NUP37: variants seen among roughly 807,000 people sequenced by gnomAD.
NUP37 encodes nucleoporin Nup37.
NUP37 carries 33 observed loss-of-function variants against 45.4 expected under a neutral mutation model. The observed-to-expected ratio is 0.73, with a 90% CI of 0.55 to 0.97. NUP37 has a LOEUF of 0.97. NUP37 is among the 50% of genes least tolerant of loss of function. The pLI, the probability that NUP37 is intolerant of heterozygous loss-of-function variation, is 0.00. For missense variants in NUP37, 365 were observed against 389.7 expected (o/e 0.94, Z 0.53); for synonymous variants, 127 against 130.7 (o/e 0.97, Z 0.19).
chr12:102,091,971 T>C (rs1241409311), intron 5 of NUP37, among the ~76,000 whole-genome samples: 3 of 152,200 alleles, frequency 2.0e-5, no homozygotes, highest in African/African-American at 7.2e-5. Context: ...TTAAATGTTA[T>C]TGTCCCAATA....
At chr12:102,076,009 G>GAA (rs1444322080) in intron 8 of NUP37, among the ~76,000 whole-genome samples, 2 of 152,126 alleles carry the variant, frequency 1.3e-5, no homozygotes, top group Non-Finnish European at 2.9e-5. Context: ...GGGAAAGGAT[G>GAA]AAAAGGGTCT....
chr12:102,113,944 C>G (rs932147132), intron 2 of NUP37, among the ~76,000 whole-genome samples: 6 of 152,172 alleles, frequency 3.9e-5, no homozygotes, highest in Admixed American at 3.9e-4. Context: ...CTGCATAATT[C>G]AGATACCCTT....
chr12:102,097,830 G>T (rs1244447585), intron 5 of NUP37, among the ~76,000 whole-genome samples: 9 of 151,800 alleles, frequency 5.9e-5, no homozygotes, highest in African/African-American at 9.7e-5. Context: ...TAGTACCTGG[G>T]GCCCTAGAAT....
rs146080422 is a variant in NUP37, at chr12:102,076,754, G to A, written c.773+43C>T. The A allele has an allele frequency of 5.9e-4, 928 of 1,574,578 alleles. 11 individuals carry two copies. In the East Asian group the frequency reaches 0.019, roughly 33 times the overall value. On this transcript the variant is annotated intron_variant, in intron 8 of 9. Coordinates refer to ENST00000552283, the MANE Select transcript of NUP37 (RefSeq NM_024057.4). ...AGTATCCCAGTGGTGGCACAGCAAC[G>A]TCAAAAGATCAAATCACAGCTCCAA... is the stretch of plus-strand genomic sequence containing the variant.
intron 5 of NUP37, among the ~76,000 whole-genome samples, chr12:102,090,691 G>A (rs1879623997): frequency 6.6e-6 from 1 of 152,112 alleles, no homozygotes; most frequent in Non-Finnish European, 1.5e-5. Flanking sequence ...TCTGAATTAA[G>A]ACTGCTTTTC....
At chr12:102,113,001 A>G (rs1367602374) in intron 2 of NUP37, among the ~76,000 whole-genome samples, 1 of 152,248 alleles carries the variant, frequency 6.6e-6, no homozygotes, top group East Asian at 1.9e-4. Context: ...CAGCCCTACT[A>G]AAATGATTTC....
chr12:102,119,281 A>G (rs1003513693), intron 1 of NUP37: 2 of 152,266 alleles, frequency 1.3e-5, no homozygotes, highest in African/African-American at 4.8e-5. Flanking sequence ...GGGCGGAGGG[A>G]GAGCATCAGG....
At chr12:102,085,415 C>A (rs972466889) in intron 6 of NUP37, among the ~76,000 whole-genome samples, 1 of 151,878 alleles carries the variant, frequency 6.6e-6, no homozygotes, top group African/African-American at 2.4e-5. Flanking sequence ...GAGTGAGACC[C>A]TGTCTAAAAA....
chr12:102,074,963 A>G (rs1879127699), intron 9 of NUP37, 38 bp downstream of exon 9: 6 of 1,331,074 alleles, frequency 4.5e-6, no homozygotes, highest in African/African-American at 1.5e-5. Context: ...AATTAAAAAA[A>G]AAAAAAGCAC....
At chr12:102,092,574 C>G (rs551872576) in intron 5 of NUP37, among the ~76,000 whole-genome samples, 1 of 152,098 alleles carries the variant, frequency 6.6e-6, no homozygotes, top group East Asian at 1.9e-4. Flanking sequence ...AAGGGTAAGT[C>G]GTGGTGTATT....
At chr12:102,074,530 A>G in intron 9 of NUP37, 63 bp from the exon 10 acceptor site, 1 of 975,910 alleles carries the variant, frequency 1.0e-6, no homozygotes, top group South Asian at 1.5e-5. Flanking sequence ...AATAAAAATG[A>G]CTTTCAAAAA....
rs532488690 is a variant in NUP37 at position 102,114,627 on chromosome 12, G to C, written c.157-2395C>G. Among the ~76,000 whole-genome samples, 280 of 152,258 alleles carry C rather than the reference G, an allele frequency of 1.8e-3. 1 individual carries two copies. Among genetic ancestry groups the C allele is most frequent in the African/African-American group, 6.1e-3 (255 of 41,552 alleles). On this transcript the variant is annotated intron_variant, in intron 2 of 9. Transcript: ENST00000552283. Reference sequence around the variant, plus strand: ...AGGTTGATGGAAGGGCTATTATAAGGGTTTGAAACTGGCAGGCCCTCCCAC... The same window carrying C: ...AGGTTGATGGAAGGGCTATTATAAGCGTTTGAAACTGGCAGGCCCTCCCAC...
chr12:102,105,731 T>C (rs1880127324), intron 3 of NUP37, among the ~76,000 whole-genome samples: 1 of 151,574 alleles, frequency 6.6e-6, no homozygotes, highest in South Asian at 2.1e-4. Flanking sequence ...CATGGTGATG[T>C]GCACCTATAA....
chr12:102,076,127 T>C (rs1879159781), intron 8 of NUP37, among the ~76,000 whole-genome samples: 1 of 152,180 alleles, frequency 6.6e-6, no homozygotes, highest in African/African-American at 2.4e-5. Context: ...TACTTGCTCA[T>C]TGGTGTATAT....
intron 3 of NUP37, among the ~76,000 whole-genome samples, chr12:102,110,499 C>G (rs1474653372): frequency 2.1e-5 from 3 of 145,776 alleles, no homozygotes; most frequent in Admixed American, 1.4e-4. Context: ...TAGAGTGAGA[C>G]CATGTACCAA....
intron 6 of NUP37, among the ~76,000 whole-genome samples, chr12:102,081,129 T>A (rs961068403): frequency 6.6e-6 from 1 of 152,206 alleles, no homozygotes; most frequent in Non-Finnish European, 1.5e-5. Context: ...TAAGAGTATC[T>A]ACTTGATAGG....
chr12:102,080,774 G>A (rs1417294216), intron 6 of NUP37, among the ~76,000 whole-genome samples: 1 of 152,202 alleles, frequency 6.6e-6, no homozygotes, highest in Non-Finnish European at 1.5e-5. Flanking sequence ...CTGAAGACTG[G>A]TGAGTGGTCT....
chr12:102,118,598 A>G lies in NUP37; in HGVS notation c.-65-15T>C. ...AGGTCACGAAACTGTGGATTAGAGC[A>G]CAGGTACAATTACAATGGTCAATAT... On this transcript the variant is annotated splice_polypyrimidine_tract_variant and intron_variant, in intron 1 of 9. Coordinates refer to ENST00000552283, the MANE Select transcript of NUP37 (RefSeq NM_024057.4). The G allele has an allele frequency of 7.7e-7, 1 of 1,292,610 alleles. No homozygotes were observed. Among genetic ancestry groups the G allele is most frequent in the Admixed American group, 2.2e-5 (1 of 45,280 alleles). The allele number at this position is 1,292,610 out of a possible 1,614,324, so 80.1% of individuals were successfully genotyped here.
chr12:102,101,412 C>T (rs185104659), intron 3 of NUP37, among the ~76,000 whole-genome samples: 17 of 152,182 alleles, frequency 1.1e-4, no homozygotes, highest in African/African-American at 1.9e-4. Flanking sequence ...TAATTTTAAA[C>T]GTTTTCTTAA....
Sources: gnomAD v4.1 joint callset for allele counts (sites outside exome capture counted in the v4.1 genomes callset) on GRCh38, gnomAD v4.1.1 for gene constraint, MANE v1.5 for transcripts, NCBI Gene and HGNC (gene_info 2026-07-23, HGNC 2026-07-21) for gene names.